Variants in PCDH11X observed in about 807,000 individuals in gnomAD.
The protein encoded by PCDH11X is protocadherin 11 X-linked, also known as protocadherin-11 X-linked.
Under a neutral mutation model 53.3 loss-of-function variants are expected in PCDH11X, and 18 were observed. The ratio of observed to expected loss-of-function variants is 0.34; its 90% CI spans 0.23 to 0.50. The LOEUF (loss-of-function observed/expected upper bound fraction) is 0.50, where lower values mean the gene tolerates loss of function less well. Among genes scored for constraint, PCDH11X ranks in the 20% least tolerant of loss-of-function variants. PCDH11X has a pLI of 0.98. For missense variants in PCDH11X, 570 were observed against 1,032.4 expected, an observed-to-expected ratio of 0.55 and a Z score of 6.14; for synonymous variants, 279 against 393.3, an observed-to-expected ratio of 0.71 and a Z score of 3.44.
At chrX:92,141,986 A>G (rs776896760) in intron 6 of PCDH11X, among the ~76,000 whole-genome samples, 6 of 111,089 alleles carry the variant, frequency 5.4e-5, no homozygotes, top group African/African-American at 2.0e-4. Context: ...ATCTTATCAG[A>G]CAAGGCAGAT....
intron 1 of PCDH11X, among the ~76,000 whole-genome samples, chrX:91,800,167 T>G (rs1204933128): frequency 9.0e-6 from 1 of 110,564 alleles, no homozygotes; most frequent in Non-Finnish European, 1.9e-5. Flanking sequence ...CTACTCTCTT[T>G]TTTCCTTCTT....
chrX:91,780,052 T>C (rs1935076467), intron 1 of PCDH11X, among the ~76,000 whole-genome samples: 1 of 112,134 alleles, frequency 8.9e-6, no homozygotes, highest in African/African-American at 3.2e-5. Context: ...AGGGAAACTC[T>C]AAGATTGGGG....
chrX:92,344,512 C>G (rs1603280152), intron 8 of PCDH11X, among the ~76,000 whole-genome samples: 1 of 104,119 alleles, frequency 9.6e-6, no homozygotes, highest in Admixed American at 1.1e-4. Flanking sequence ...TTTGTTTAAA[C>G]AACATTATAT....
chrX:92,122,823 G>GCT (rs1304979582), intron 6 of PCDH11X, among the ~76,000 whole-genome samples: 2 of 110,724 alleles, frequency 1.8e-5, no homozygotes, highest in African/African-American at 6.6e-5. Context: ...TGTAATTCCA[G>GCT]CTACTCGGGA....
intron 10 of PCDH11X, among the ~76,000 whole-genome samples, chrX:92,518,780 G>C (rs1183480166): frequency 4.5e-5 from 4 of 88,256 alleles, no homozygotes; most frequent in Non-Finnish European, 8.7e-5. Context: ...TTTTTGAGAC[G>C]GAGTCTCGCT....
rs767406788 is a variant in PCDH11X, at chrX:92,593,246, A to T, written c.3368-25018A>T. ...GATTTGTCTGTTTTACAGTCATTAG[A>T]TTCTAAATAAGGTCTGGAGACATAT... On this transcript the variant is annotated intron_variant, in intron 10 of 10. Transcript: ENST00000682573. 1.3e-4 allele frequency among the ~76,000 whole-genome samples: 14 copies of T among 111,632 alleles called. No homozygotes were observed. In the South Asian group the frequency reaches 5.3e-3, roughly 42 times the overall value.
chrX:91,851,077 T>A (rs1937982331), intron 5 of PCDH11X, among the ~76,000 whole-genome samples: 1 of 109,517 alleles, frequency 9.1e-6, no homozygotes, highest in African/African-American at 3.3e-5. Context: ...TTGTGTTTTT[T>A]TTCTGCACTA....
intron 8 of PCDH11X, 143 bp downstream of exon 8, chrX:92,263,286 C>A: frequency 1.0e-5 from 5 of 478,165 alleles, no homozygotes; most frequent in Non-Finnish European, 1.7e-5. Flanking sequence ...GAGAGTCAAG[C>A]TGAGCTGTTT....
intron 6 of PCDH11X, among the ~76,000 whole-genome samples, chrX:92,166,176 TA>T (rs2148267836): frequency 9.3e-6 from 1 of 107,121 alleles, no homozygotes; most frequent in African/African-American, 3.4e-5. Context: ...TTCAATACAT[TA>T]AAAGAGAAAA....
At chrX:91,976,085 C>T (rs1345006452) in intron 6 of PCDH11X, among the ~76,000 whole-genome samples, 1 of 111,715 alleles carries the variant, frequency 9.0e-6, no homozygotes, top group Non-Finnish European at 1.9e-5. Context: ...CTGGGTCCCA[C>T]TCTGTCGCCC....
rs749631960 is a variant in PCDH11X at position 92,072,257 on chromosome X, C to G, written c.3034-129118C>G. Among the ~76,000 whole-genome samples, 127 of 110,768 alleles carry G rather than the reference C, an allele frequency of 1.1e-3. 1 individual carries two copies. Among genetic ancestry groups the G allele is most frequent in the Non-Finnish European group, 2.2e-3 (116 of 52,911 alleles). On this transcript the variant is annotated intron_variant, in intron 6 of 10. Coordinates refer to ENST00000682573, the MANE Select transcript of PCDH11X (RefSeq NM_032968.5). ...AAGAGCCTAGGCGTGAACTCAGGAA[C>G]CCCAAAAGACTGCTTGTTGCTCTAC...
chrX:92,599,682 G>T (rs6619082), intron 10 of PCDH11X, among the ~76,000 whole-genome samples: 2 of 110,581 alleles, frequency 1.8e-5, no homozygotes, highest in South Asian at 7.5e-4. Context: ...GGATTAGGGC[G>T]CTGTTATTAT....
At chrX:92,505,741 T>C (rs750017746) in intron 10 of PCDH11X, among the ~76,000 whole-genome samples, 26 of 111,235 alleles carry the variant, frequency 2.3e-4, no homozygotes, top group African/African-American at 8.1e-4. Context: ...TTCTGTGAAA[T>C]ATGTCATTAG....
intron 6 of PCDH11X, chrX:91,882,896 T>G: frequency 8.4e-7 from 1 of 1,185,620 alleles, no homozygotes; most frequent in Non-Finnish European, 1.1e-6. Flanking sequence ...GTGTTATTTT[T>G]CTTGTCCTAG....
chrX:91,807,212 G>C (rs1488862471), intron 1 of PCDH11X, among the ~76,000 whole-genome samples: 8 of 106,216 alleles, frequency 7.5e-5, no homozygotes, highest in African/African-American at 2.1e-4. Flanking sequence ...AGCCAGGTCT[G>C]TTCATGTGTG....
intron 6 of PCDH11X, among the ~76,000 whole-genome samples, chrX:91,927,381 A>T (rs1941981663): frequency 9.1e-6 from 1 of 109,767 alleles, no homozygotes; most frequent in Non-Finnish European, 1.9e-5. Context: ...TATAGATTCC[A>T]TTATCTTCCC....
At chrX:91,883,042 C>T (rs950746099) in intron 6 of PCDH11X, 15 of 1,079,170 alleles carry the variant, frequency 1.4e-5, no homozygotes, top group Middle Eastern at 2.7e-4. Context: ...ATTTTGTAAT[C>T]TAGATTTCCC....
intron 6 of PCDH11X, among the ~76,000 whole-genome samples, chrX:92,139,279 T>TC (rs1254795015): frequency 1.3e-4 from 12 of 91,402 alleles, no homozygotes; most frequent in African/African-American, 5.3e-4. Flanking sequence ...TCTTTTTTTT[T>TC]TTTTTTTTTT....
intron 9 of PCDH11X, among the ~76,000 whole-genome samples, chrX:92,409,850 T>C (rs1013709524): frequency 9.8e-5 from 11 of 111,866 alleles, no homozygotes; most frequent in African/African-American, 3.6e-4. Flanking sequence ...CTCTTAACAT[T>C]TGTATTTACT....
Sources: allele counts gnomAD v4.1 joint callset (sites outside exome capture counted in the v4.1 genomes callset), GRCh38; gene constraint gnomAD v4.1.1; transcripts MANE v1.5; gene names NCBI Gene and HGNC (gene_info 2026-07-23, HGNC 2026-07-21).